Variants in ABR observed in about 807,000 individuals in gnomAD.
ABR encodes the protein ABR activator of RhoGEF and GTPase.
A neutral mutation model predicts 107.2 loss-of-function variants in ABR; 35 were observed. The ratio of observed to expected loss-of-function variants is 0.33; its 90% CI spans 0.25 to 0.43. ABR has a LOEUF of 0.43. Ranked by LOEUF, ABR falls within the 20% of genes least tolerant of loss-of-function variation. The pLI is 1.00. For missense variants in ABR, 815 were observed against 1,115.2 expected, an observed-to-expected ratio of 0.73 and a Z score of 3.83; for synonymous variants, 498 against 462.0, an observed-to-expected ratio of 1.08 and a Z score of -1.00.
At chr17:1,113,303 T>TTTTTTA in intron 2 of ABR, among the ~76,000 whole-genome samples, 1 of 148,238 alleles carries the variant, frequency 6.7e-6, no homozygotes. Flanking sequence ...TTTTTTTTTT[T>TTTTTTA]TGAGACGGAG....
intron 2 of ABR, among the ~76,000 whole-genome samples, chr17:1,103,500 C>G (rs1335641540): frequency 6.6e-6 from 1 of 152,170 alleles, no homozygotes; most frequent in Admixed American, 6.5e-5. Flanking sequence ...AACTGTAGAG[C>G]TGGTTGGACT....
At chr17:1,149,690 T>A (rs1451594321) in intron 1 of ABR, among the ~76,000 whole-genome samples, 1 of 152,220 alleles carries the variant, frequency 6.6e-6, no homozygotes, top group Non-Finnish European at 1.5e-5. Flanking sequence ...GTGCTGGGGT[T>A]ACAGGCGTGA....
chr17:1,168,517 G>A (rs977954422), intron 1 of ABR, among the ~76,000 whole-genome samples: 1 of 152,176 alleles, frequency 6.6e-6, no homozygotes, highest in Non-Finnish European at 1.5e-5. Flanking sequence ...AATGGGCAGT[G>A]TGCTGGGAAA....
chr17:1,165,976 A>ACCC lies in ABR; in HGVS notation c.61+13688_61+13690dup, dbSNP rs1478944925. 3.4e-5 allele frequency among the ~76,000 whole-genome samples: 3 copies of ACCC among 87,084 alleles called. No homozygotes were observed. In the South Asian group the frequency reaches 1.1e-3, roughly 31 times the overall value. 57.1% of individuals were successfully genotyped at this position (87,084 alleles called of 152,430 possible). A position where few individuals can be genotyped will look rare whatever the true frequency, so the allele number is the denominator to read the frequency against. On this transcript the variant is annotated intron_variant, in intron 1 of 22. Transcript: ENST00000302538. Reference sequence around the variant, plus strand: ...GCCCACGCAGATGACCTCAGCTCCCACCCCCCGGAGTGTCCGCACCCACCC... The same window carrying ACCC: ...GCCCACGCAGATGACCTCAGCTCCCACCCCCCCCCGGAGTGTCCGCACCCACCC...
rs917279169 is a variant in ABR at position 1,079,156 on chromosome 17, G to C, written c.700+174C>G. On this transcript the variant is annotated intron_variant, in intron 6 of 22. Transcript: ENST00000302538. The stretch of plus-strand genomic sequence containing the variant: ...GCCTGGGCACGAGGCTAGAGTCCTC[G>C]CGTGCGCGCACACGCGCACTCAGCT... 4 of 1,448,096 alleles carry C rather than the reference G, an allele frequency of 2.8e-6. No homozygotes were observed. The African/African-American group carries it at 5.7e-5, about 21-fold the overall frequency. The allele number at this position is 1,448,096 out of a possible 1,614,324, so 89.7% of individuals were successfully genotyped here. A position where few individuals can be genotyped will look rare whatever the true frequency, so the allele number is the denominator to read the frequency against.
At position 1,179,733 on chromosome 17, in the gene ABR, G is replaced by A. The variant is rs774598028; in HGVS notation, c.-6C>T. The A allele has an allele frequency of 4.6e-6, 7 of 1,531,618 alleles. No homozygotes were observed. Among genetic ancestry groups the A allele is most frequent in the Admixed American group, 3.8e-5 (2 of 52,236 alleles). The allele number at this position is 1,531,618 out of a possible 1,614,324, so 94.9% of individuals were successfully genotyped here. ...CGGTGGCTGAGCGGCTCCATCCCGC[G>A]GCGGCGGCTCGGTCAGATCCGAAAC... On this transcript the variant is annotated 5_prime_UTR_variant, in exon 1 of 23. Transcript: ENST00000302538. This position sits in a 1 kb window ranked among gnomAD's most constrained non-coding sequence, Gnocchi z 4.9.
intron 1 of ABR, among the ~76,000 whole-genome samples, chr17:1,158,945 C>G (rs902796955): frequency 1.3e-5 from 2 of 152,186 alleles, no homozygotes; most frequent in African/African-American, 2.4e-5. Flanking sequence ...AAGGCTGAAG[C>G]CTGTTCAGAC....
chr17:1,042,608 A>G (rs1362560779), intron 16 of ABR, among the ~76,000 whole-genome samples: 2 of 137,494 alleles, frequency 1.5e-5, no homozygotes, highest in African/African-American at 2.7e-5. Context: ...TGGATGGACG[A>G]AGAGACGTGG....
intron 1 of ABR, among the ~76,000 whole-genome samples, chr17:1,126,783 C>T (rs959908398): frequency 6.6e-6 from 1 of 152,222 alleles, no homozygotes. Context: ...TGTCCTTGAG[C>T]CCCTGGGGCA....
chr17:1,045,403 C>T (rs529127721), intron 16 of ABR, among the ~76,000 whole-genome samples: 2 of 125,644 alleles, frequency 1.6e-5, no homozygotes, highest in South Asian at 5.8e-4. Context: ...GACAATCTTC[C>T]GTCTTCTTAC....
At position 1,141,526 on chromosome 17, in the gene ABR, T is replaced by C. The variant is rs79080286; in HGVS notation, c.62-16159A>G. Reference sequence around the variant, plus strand: ...TTTGCGAGGTTACAATGAGGAAATATATGCTATGCAAGGCACCCAAAGCTG... The same window carrying C: ...TTTGCGAGGTTACAATGAGGAAATACATGCTATGCAAGGCACCCAAAGCTG... On this transcript the variant is annotated intron_variant, in intron 1 of 22. Transcript: ENST00000302538. Among the ~76,000 whole-genome samples the C allele has an allele frequency of 6.3e-3, 962 of 152,298 alleles. 12 individuals are homozygous for C. Among genetic ancestry groups the C allele is most frequent in the African/African-American group, 0.022 (911 of 41,562 alleles).
chr17:1,090,266 C>T (rs565906735), intron 4 of ABR, among the ~76,000 whole-genome samples: 2 of 152,302 alleles, frequency 1.3e-5, no homozygotes, highest in Admixed American at 1.3e-4. Context: ...AAGGCTGGGG[C>T]TGGACACGGG....
At position 1,125,167 on chromosome 17, in the gene ABR, A is replaced by G; in HGVS notation, c.246+16T>C. ...CACCCCTCCCCAAACCCAGAAAGAA[A>G]AGCCGGTGTACCTACCCCAGGAGCC... On this transcript the variant is annotated intron_variant, in intron 2 of 22. Coordinates refer to ENST00000302538, the MANE Select transcript of ABR (RefSeq NM_021962.5). 6.5e-7 allele frequency: 1 copy of G among 1,543,758 alleles called. No individual in the cohort carries two copies. The highest frequency in any genetic ancestry group is 8.7e-7 in the Non-Finnish European group (1 of 1,145,158).
intron 6 of ABR, among the ~76,000 whole-genome samples, chr17:1,076,714 C>CGGGGCGG (rs2035741150): frequency 2.4e-5 from 1 of 42,140 alleles, no homozygotes; most frequent in African/African-American, 1.7e-4. Context: ...GGCAGGTGCA[C>CGGGGCGG]GGGGGGGGTG....
intron 16 of ABR, among the ~76,000 whole-genome samples, chr17:1,043,917 G>A (rs2031105267): frequency 6.6e-6 from 1 of 152,310 alleles, no homozygotes; most frequent in Admixed American, 6.5e-5. Flanking sequence ...GGGCGGGCAG[G>A]GGGTGCAGAG....
chr17:1,035,451 C>A (rs2073102573), intron 16 of ABR, among the ~76,000 whole-genome samples: 1 of 83,772 alleles, frequency 1.2e-5, no homozygotes, highest in Non-Finnish European at 2.4e-5. Flanking sequence ...CCCCTTCCAT[C>A]CCCCACACCT....
At chr17:1,063,903 G>C (rs2034358904) in intron 10 of ABR, among the ~76,000 whole-genome samples, 1 of 150,510 alleles carries the variant, frequency 6.6e-6, no homozygotes, top group African/African-American at 2.4e-5. Flanking sequence ...AGACACTGTT[G>C]TTATGTGAAC....
chr17:1,212,898 AAGAG>A (rs577008803), intron 1 of ABR, among the ~76,000 whole-genome samples: 6 of 151,958 alleles, frequency 3.9e-5, no homozygotes, highest in Non-Finnish European at 7.4e-5. Context: ...AAAAAAAAAA[AAGAG>A]AGAGAGAGAT....
At chr17:1,058,721 G>C (rs762347548) in intron 11 of ABR, 24 bp downstream of exon 11, 1 of 1,612,874 alleles carries the variant, frequency 6.2e-7, no homozygotes, top group Non-Finnish European at 8.5e-7. Flanking sequence ...GGGCTGTCTT[G>C]GTCCCACCCC....
Sources: allele counts gnomAD v4.1 joint callset (sites outside exome capture counted in the v4.1 genomes callset), GRCh38; gene constraint gnomAD v4.1.1; non-coding constraint Gnocchi (gnomAD v3.1); transcripts MANE v1.5; gene names NCBI Gene and HGNC (gene_info 2026-07-23, HGNC 2026-07-21).